LEFTY2: variants seen among roughly 807,000 people sequenced by gnomAD.
LEFTY2 encodes the protein left-right determination factor 2, also known as TGF-beta-4.
LEFTY2 carries 10 observed loss-of-function variants against 26.4 expected under a neutral mutation model. The observed-to-expected ratio is 0.38, with a 90% CI of 0.23 to 0.64. The LOEUF (loss-of-function observed/expected upper bound fraction) is 0.64. Among genes scored for constraint, LEFTY2 ranks in the 30% least tolerant of loss-of-function variants. The pLI, the probability that LEFTY2 is intolerant of heterozygous loss-of-function variation, is 0.56. For missense variants in LEFTY2, 407 were observed against 502.1 expected, an observed-to-expected ratio of 0.81 and a Z score of 1.81; for synonymous variants, 204 against 234.1, an observed-to-expected ratio of 0.87 and a Z score of 1.17.
chr1:225,938,262 A>G lies in LEFTY2; in HGVS notation c.738-458T>C, dbSNP rs1448758032. Among the ~76,000 whole-genome samples the G allele has an allele frequency of 2.0e-5, 3 of 152,264 alleles. 1 individual carries two copies. Among genetic ancestry groups the G allele is most frequent in the Admixed American group, 2.0e-4 (3 of 15,286 alleles). ...TCTGCTCCAGAGAGCTAACTTGTCC[A>G]TGAGAAAGAATTCACCAAAGCAGGA... On this transcript the variant is annotated intron_variant, in intron 3 of 3. Coordinates refer to ENST00000366820, the MANE Select transcript of LEFTY2 (RefSeq NM_003240.5).
rs1558071641 is a variant in LEFTY2, at chr1:225,941,150, C to T, written c.-10G>A. On this transcript the variant is annotated 5_prime_UTR_variant, in exon 1 of 4. Coordinates refer to ENST00000366820, the MANE Select transcript of LEFTY2 (RefSeq NM_003240.5). The stretch of plus-strand genomic sequence containing the variant: ...GCCACAGGGGCCACATGGTGCTGCC[C>T]TGGGGGAGCAGGAGGCAGAGTGGGG... 1 of 1,536,792 alleles carries T rather than the reference C, an allele frequency of 6.5e-7. No individual in the cohort carries two copies. The highest frequency in any genetic ancestry group is 8.7e-7 in the Non-Finnish European group (1 of 1,146,698).
In LEFTY2 at chr1:225,939,345, C is replaced by A; in HGVS notation, c.737+16G>T. Reference sequence around the variant, plus strand: ...CAGTGGCTGCTTGCCTCCCTTCTGCCCAGTCCTGCACCTACCCATAGTCCC... The same window carrying A: ...CAGTGGCTGCTTGCCTCCCTTCTGCACAGTCCTGCACCTACCCATAGTCCC... On this transcript the variant is annotated intron_variant, in intron 3 of 3. Transcript: ENST00000366820. This position sits in a 1 kb window ranked among gnomAD's most constrained non-coding sequence, Gnocchi z 4.1. The A allele has an allele frequency of 6.2e-7, 1 of 1,613,448 alleles. No homozygotes were observed. The highest frequency in any genetic ancestry group is 8.5e-7 in the Non-Finnish European group (1 of 1,179,782).
At chr1:225,940,789 CAG>C (rs1672302403) in intron 1 of LEFTY2, 100 bp downstream of exon 1, 1 of 1,564,934 alleles carries the variant, frequency 6.4e-7, no homozygotes, top group East Asian at 2.2e-5. Context: ...CAGCCTCCCA[CAG>C]AGTCCCAAAA....
In LEFTY2 at chr1:225,939,275, C is replaced by A. The variant is rs1672238065; in HGVS notation, c.737+86G>T. The A allele has an allele frequency of 1.6e-5, 25 of 1,589,770 alleles. No individual in the cohort carries two copies. Among genetic ancestry groups the A allele is most frequent in the Non-Finnish European group, 2.1e-5 (25 of 1,168,640 alleles). On this transcript the variant is annotated intron_variant, in intron 3 of 3. Transcript: ENST00000366820. This position sits in a 1 kb window ranked among gnomAD's most constrained non-coding sequence, Gnocchi z 4.1. ...CTCCCTACCCCTAGCCCACCGCCAC[C>A]ATCCGGTCCCCCAGACAGTCCTGGG... is the stretch of plus-strand genomic sequence containing the variant.
Position 225,941,206 on chromosome 1 carries a change from C to A in LEFTY2, c.-66G>T, listed in dbSNP as rs1440611689. ...CTCTAGGGAGGTTGAAGGAGGGTCTCAGGCAGCTGGGTGTGCTGAGAGCCA... is the reference window on the plus strand; with the variant it reads ...CTCTAGGGAGGTTGAAGGAGGGTCTAAGGCAGCTGGGTGTGCTGAGAGCCA... On this transcript the variant is annotated 5_prime_UTR_variant, in exon 1 of 4. Transcript: ENST00000366820. The A allele has an allele frequency of 1.4e-6, 2 of 1,428,774 alleles. No individual in the cohort carries two copies. The highest frequency in any genetic ancestry group is 1.8e-6 in the Non-Finnish European group (2 of 1,087,942). The allele number at this position is 1,428,774 out of a possible 1,614,324, so 88.5% of individuals were successfully genotyped here.
At chr1:225,938,964 C>T (rs1326716552) in intron 3 of LEFTY2, among the ~76,000 whole-genome samples, 9 of 149,488 alleles carry the variant, frequency 6.0e-5, no homozygotes, top group Admixed American at 6.0e-4. Context: ...CTTCACCTCC[C>T]GGATTCAAGT....
chr1:225,940,829 G>A lies in LEFTY2; in HGVS notation c.250+62C>T, dbSNP rs1672303788. On this transcript the variant is annotated intron_variant, in intron 1 of 3. Transcript: ENST00000366820. The stretch of plus-strand genomic sequence containing the variant: ...CCAGGGGCCCTTCGACACCTCCAGA[G>A]TGGGCACAACCGGCCTGCCCCCGAC... 3.7e-6 allele frequency: 6 copies of A among 1,610,884 alleles called. No individual in the cohort carries two copies. In the East Asian group the frequency reaches 1.1e-4, roughly 30 times the overall value.
Position 225,939,821 on chromosome 1 carries a change from C to A in LEFTY2, c.432G>T (p.Arg144=). The change falls in exon 2 of 4, where the codon CGG becomes CGT. Residue 144 remains arginine, a synonymous_variant. Coordinates refer to ENST00000366820, the MANE Select transcript of LEFTY2 (RefSeq NM_003240.5). This position sits in a 1 kb window ranked among gnomAD's most constrained non-coding sequence, Gnocchi z 4.1. The part of the protein sequence containing the change: ...GRLSPRSAQA[R]VTVEWLRVRD... ...GGACGCGCAGCCACTCGACGGTCAC[C>A]CGGGCCTGGGCGCTGCGCGGGGACA... 1.9e-6 allele frequency: 3 copies of A among 1,553,100 alleles called. No individual in the cohort carries two copies. Among genetic ancestry groups the A allele is most frequent in the Non-Finnish European group, 2.6e-6 (3 of 1,154,802 alleles).
In LEFTY2 at chr1:225,937,685, G is replaced by C. The variant is rs2295418; in HGVS notation, c.857C>G (p.Pro286Arg). 6.2e-7 allele frequency: 1 copy of C among 1,613,646 alleles called. No individual in the cohort carries two copies. The highest frequency in any genetic ancestry group is 8.5e-7 in the Non-Finnish European group (1 of 1,179,650). Residue 286 changes from proline to arginine, a missense_variant, in exon 4 of 4, where the codon CCG (proline) becomes CGG (arginine). Transcript: ENST00000366820. ...CACACACTCGTAAGCCAGGAAGCCC[G>C]GGGGCTCCAGCACCCAGTTCTTGGC... is the stretch of plus-strand genomic sequence containing the variant. ...KWAKNWVLEP[P>R]GFLAYECVGT...
rs746650132 is a variant in LEFTY2 at position 225,941,112 on chromosome 1, A to T, written c.29T>A (p.Leu10His). Residue 10 changes from leucine to histidine, a missense_variant, in exon 1 of 4, where the codon CTC (leucine) becomes CAC (histidine). Coordinates refer to ENST00000366820, the MANE Select transcript of LEFTY2 (RefSeq NM_003240.5). MWPLWLCWA[L>H]WVLPLAGPGA... ...GGGGCCAGCCAGGGGCAGCACCCAG[A>T]GTGCCCAGCAGAGCCACAGGGGCCA... 1 of 1,578,300 alleles carries T rather than the reference A, an allele frequency of 6.3e-7. No individual in the cohort carries two copies. The highest frequency in any genetic ancestry group is 8.6e-7 in the Non-Finnish European group (1 of 1,163,652).
chr1:225,941,034 T>A lies in LEFTY2; in HGVS notation c.107A>T (p.Gln36Leu), dbSNP rs1168807882. ...QLLGSLLRQL[Q>L]LSEVPVLDRA... ...GTCCAGTACGGGCACCTCGCTGAGC[T>A]GCAGCTGCCGCAGCAGGCTGCCCAG... is the stretch of plus-strand genomic sequence containing the variant. The change falls in exon 1 of 4, where the codon CAG (glutamine) becomes CTG (leucine). Residue 36 changes from glutamine (Q) to leucine (L), a missense_variant. By Grantham distance (113) the Gln-to-Leu change is moderately radical (BLOSUM62 -2). Coordinates refer to ENST00000366820, the MANE Select transcript of LEFTY2 (RefSeq NM_003240.5). The A allele has an allele frequency of 3.1e-6, 5 of 1,611,530 alleles. No individual in the cohort carries two copies. The highest frequency in any genetic ancestry group is 1.1e-5 in the South Asian group (1 of 91,048).
chr1:225,937,290 G>T lies in LEFTY2; in HGVS notation c.*151C>A. 7.8e-7 allele frequency: 1 copy of T among 1,278,310 alleles called. No homozygotes were observed. Among genetic ancestry groups the T allele is most frequent in the Non-Finnish European group, 1.1e-6 (1 of 901,688 alleles). 79.2% of individuals were successfully genotyped at this position (1,278,310 alleles called of 1,614,324 possible). ...AGTGCTTAGGATGGGTGATGGACGG[G>T]AAAGACAGGAAATGGAAGGACACAG... On this transcript the variant is annotated 3_prime_UTR_variant, in exon 4 of 4. Transcript: ENST00000366820.
rs1447610885 is a variant in LEFTY2 at position 225,939,257 on chromosome 1, C to A, written c.737+104G>T. 3 of 1,559,152 alleles carry A rather than the reference C, an allele frequency of 1.9e-6. No homozygotes were observed. The East Asian group carries it at 7.1e-5, about 37-fold the overall frequency. ...GACAGTCTGCACCGCGCTCTCCCTA[C>A]CCCTAGCCCACCGCCACCATCCGGT... On this transcript the variant is annotated intron_variant, in intron 3 of 3. Coordinates refer to ENST00000366820, the MANE Select transcript of LEFTY2 (RefSeq NM_003240.5). This position sits in a 1 kb window ranked among gnomAD's most constrained non-coding sequence, Gnocchi z 4.1.
At position 225,937,398 on chromosome 1, in the gene LEFTY2, A is replaced by G; in HGVS notation, c.*43T>C. The G allele has an allele frequency of 6.2e-7, 1 of 1,613,178 alleles. No individual in the cohort carries two copies. The highest frequency in any genetic ancestry group is 8.5e-7 in the Non-Finnish European group (1 of 1,180,022). ...TAAGACCTACATTAAGACCACCTCT[A>G]TGCACACGTTCAGTTAGAGGGCTCA... On this transcript the variant is annotated 3_prime_UTR_variant, in exon 4 of 4. Coordinates refer to ENST00000366820, the MANE Select transcript of LEFTY2 (RefSeq NM_003240.5).
Position 225,939,971 on chromosome 1 carries a change from G to A in LEFTY2, c.282C>T (p.Ala94=). 4 of 1,595,536 alleles carry A rather than the reference G, an allele frequency of 2.5e-6. No homozygotes were observed. Among genetic ancestry groups the A allele is most frequent in the Non-Finnish European group, 3.4e-6 (4 of 1,179,562 alleles). ...EVAGRFLASE[A]STHLLVFGME... is the part of the protein sequence containing the mutation. ...TGCCGAACACCAGCAGGTGTGTGCT[G>A]GCCTCCGACGCCAGGAACCTGCCGG... The change falls in exon 2 of 4, where the codon GCC becomes GCT. Residue 94 remains alanine (A), a synonymous_variant. Transcript: ENST00000366820. This position sits in a 1 kb window ranked among gnomAD's most constrained non-coding sequence, Gnocchi z 4.1.
rs747992499 is a variant in LEFTY2, at chr1:225,941,038, G to T, written c.103C>A (p.Leu35Met). The T allele has an allele frequency of 1.2e-6, 2 of 1,611,404 alleles. No homozygotes were observed. Among genetic ancestry groups the T allele is most frequent in the South Asian group, 1.1e-5 (1 of 91,032 alleles). Reference protein sequence around the residue: ...EQLLGSLLRQLQLSEVPVLDR... With the variant: ...EQLLGSLLRQMQLSEVPVLDR... ...AGTACGGGCACCTCGCTGAGCTGCA[G>T]CTGCCGCAGCAGGCTGCCCAGGAGC... The change falls in exon 1 of 4, where the codon CTG (leucine) becomes ATG (methionine). Residue 35 changes from leucine (L) to methionine (M), a missense_variant. Transcript: ENST00000366820.
chr1:225,939,579 G>T lies in LEFTY2; in HGVS notation c.519C>A (p.Ser173Arg), dbSNP rs745493924. ...IDSRLVSVHESGWKAFDVTEA... is the reference protein window; with the variant it reads ...IDSRLVSVHERGWKAFDVTEA... ...CGGTCACGTCGAAGGCCTTCCAGCC[G>T]CTCTCGTGGACGGACACCAGCCTGA... Residue 173 changes from serine to arginine, a missense_variant, in exon 3 of 4, where the codon AGC (serine) becomes AGA (arginine). Coordinates refer to ENST00000366820, the MANE Select transcript of LEFTY2 (RefSeq NM_003240.5). This position sits in a 1 kb window ranked among gnomAD's most constrained non-coding sequence, Gnocchi z 4.1. 4 of 1,612,454 alleles carry T rather than the reference G, an allele frequency of 2.5e-6. No homozygotes were observed. The Admixed American group carries it at 6.7e-5, about 27-fold the overall frequency.
At position 225,939,966 on chromosome 1, in the gene LEFTY2, G is replaced by A. The variant is rs1401760064; in HGVS notation, c.287C>T (p.Thr96Ile). ...AGRFLASEAS[T>I]HLLVFGMEQR... Reference sequence around the variant, plus strand: ...CTCCATGCCGAACACCAGCAGGTGTGTGCTGGCCTCCGACGCCAGGAACCT... The same window carrying A: ...CTCCATGCCGAACACCAGCAGGTGTATGCTGGCCTCCGACGCCAGGAACCT... Residue 96 changes from threonine to isoleucine, a missense_variant, in exon 2 of 4, where the codon ACA (threonine) becomes ATA (isoleucine). Thr to Ile is a moderately conservative substitution (Grantham distance 89). Coordinates refer to ENST00000366820, the MANE Select transcript of LEFTY2 (RefSeq NM_003240.5). The surrounding 1 kb of genome is among the most constrained non-coding windows in gnomAD (Gnocchi z 4.1). 6.3e-7 allele frequency: 1 copy of A among 1,595,318 alleles called. No homozygotes were observed. The highest frequency in any genetic ancestry group is 2.2e-5 in the East Asian group (1 of 44,878).
rs780132877 is a variant in LEFTY2 at position 225,941,023 on chromosome 1, C to T, written c.118G>A (p.Val40Met). Reference sequence around the variant, plus strand: ...ATGTCGGCCCTGTCCAGTACGGGCACCTCGCTGAGCTGCAGCTGCCGCAGC... The same window carrying T: ...ATGTCGGCCCTGTCCAGTACGGGCATCTCGCTGAGCTGCAGCTGCCGCAGC... ...SLLRQLQLSE[V>M]PVLDRADMEK... is the part of the protein sequence containing the mutation. The change falls in exon 1 of 4, where the codon GTG becomes ATG. Residue 40 changes from valine (V) to methionine (M), a missense_variant. Val to Met is a conservative substitution (Grantham distance 21). Transcript: ENST00000366820. 1.9e-6 allele frequency: 3 copies of T among 1,612,818 alleles called. No individual in the cohort carries two copies. The highest frequency in any genetic ancestry group is 2.5e-6 in the Non-Finnish European group (3 of 1,179,750).
Sources: allele counts gnomAD v4.1 joint callset (sites outside exome capture counted in the v4.1 genomes callset), GRCh38; gene constraint gnomAD v4.1.1; non-coding constraint Gnocchi (gnomAD v3.1); transcripts MANE v1.5; gene names NCBI Gene and HGNC (gene_info 2026-07-23, HGNC 2026-07-21).